The following CUEDC1 variants were observed in gnomAD, a reference collection of about 807,000 sequenced individuals.
The protein encoded by CUEDC1 is CUE domain containing 1, also known as CUE domain-containing protein 1.
A neutral mutation model predicts 43.7 loss-of-function variants in CUEDC1; 30 were observed. The ratio of observed to expected loss-of-function variants is 0.69; its 90% CI spans 0.51 to 0.93. CUEDC1 has a LOEUF of 0.93. Among genes scored for constraint, CUEDC1 ranks in the 40% least tolerant of loss-of-function variants. The pLI, the probability that CUEDC1 is intolerant of heterozygous loss-of-function variation, is 0.00. For missense variants in CUEDC1, 486 were observed against 549.0 expected (o/e 0.89, Z 1.15); for synonymous variants, 223 against 223.6 (o/e 1.00, Z 0.02).
intron 1 of CUEDC1, among the ~76,000 whole-genome samples, chr17:57,935,106 C>A (rs948374951): frequency 6.6e-6 from 1 of 152,230 alleles, no homozygotes; most frequent in Non-Finnish European, 1.5e-5. Context: ...TATTCAAGTG[C>A]CCGCAATCAG....
At chr17:57,922,876 T>C (rs1408854959) in intron 1 of CUEDC1, among the ~76,000 whole-genome samples, 1 of 141,448 alleles carries the variant, frequency 7.1e-6, no homozygotes, top group Non-Finnish European at 1.6e-5. Flanking sequence ...TTTCTCCCTC[T>C]CTCTTTTTTT....
chr17:57,926,120 T>A (rs1002474427), intron 1 of CUEDC1, among the ~76,000 whole-genome samples: 4 of 152,110 alleles, frequency 2.6e-5, no homozygotes, highest in African/African-American at 9.7e-5. Context: ...AATACTGGAA[T>A]GGAAAAAGTG....
Position 57,930,667 on chromosome 17 carries a change from C to T in CUEDC1, c.-316+24558G>A, listed in dbSNP as rs2074795134. Among the ~76,000 whole-genome samples the T allele has an allele frequency of 6.6e-6, 1 of 152,190 alleles. No individual in the cohort carries two copies. The highest frequency in any genetic ancestry group is 2.4e-5 in the African/African-American group (1 of 41,444). On this transcript the variant is annotated intron_variant, in intron 1 of 10. Coordinates refer to ENST00000577830, the MANE Select transcript of CUEDC1 (RefSeq NM_001271875.2). This position sits in a 1 kb window ranked among gnomAD's most constrained non-coding sequence, Gnocchi z 4.2. ...GAATCACTACACACGTGTGTTTGGA[C>T]AGCACTTTCTACTTCTTAAAAAGAA...
rs2073880855 is a variant in CUEDC1, at chr17:57,861,874, G to T, written c.*1415C>A. On this transcript the variant is annotated 3_prime_UTR_variant, in exon 11 of 11. Coordinates refer to ENST00000577830, the MANE Select transcript of CUEDC1 (RefSeq NM_001271875.2). The stretch of plus-strand genomic sequence containing the variant: ...CGGAGGGGGCGACCGCTCCTCGGCA[G>T]GGCCCCCCGAGCCAGCGTCCCGGCC... 1 of 151,752 alleles carries T rather than the reference G, an allele frequency of 6.6e-6. No homozygotes were observed. The highest frequency in any genetic ancestry group is 1.5e-5 in the Non-Finnish European group (1 of 67,902). The allele number at this position is 151,752 out of a possible 1,614,324, so 9.4% of individuals were successfully genotyped here.
intron 1 of CUEDC1, among the ~76,000 whole-genome samples, chr17:57,947,345 C>G (rs1489709586): frequency 6.6e-6 from 1 of 152,196 alleles, no homozygotes; most frequent in Non-Finnish European, 1.5e-5. Flanking sequence ...TTTTTAAACT[C>G]ATTGTCCAGC....
chr17:57,938,963 T>A (rs2074889108), intron 1 of CUEDC1, among the ~76,000 whole-genome samples: 4 of 1,780 alleles, frequency 2.2e-3, no homozygotes, highest in African/African-American at 2.2e-3. Flanking sequence ...GCCCAGCCTT[T>A]TTTTTTTTTT....
At chr17:57,871,245 C>T in intron 6 of CUEDC1, 41 bp downstream of exon 6, 1 of 1,472,074 alleles carries the variant, frequency 6.8e-7, no homozygotes, top group Non-Finnish European at 9.5e-7. Context: ...GTGAGCTCCC[C>T]ACTATGCCTC....
At chr17:57,925,999 C>T (rs2074743756) in intron 1 of CUEDC1, among the ~76,000 whole-genome samples, 1 of 152,194 alleles carries the variant, frequency 6.6e-6, no homozygotes, top group African/African-American at 2.4e-5. Context: ...AGGCCCCAAG[C>T]CCAGCTTACT....
chr17:57,918,677 A>G (rs1159352442), intron 1 of CUEDC1, among the ~76,000 whole-genome samples: 2 of 152,236 alleles, frequency 1.3e-5, no homozygotes, highest in Non-Finnish European at 2.9e-5. Flanking sequence ...TCTAACCACA[A>G]GATCCAGCCT....
chr17:57,942,891 G>A (rs1210656440), intron 1 of CUEDC1, among the ~76,000 whole-genome samples: 1 of 151,920 alleles, frequency 6.6e-6, no homozygotes, highest in Admixed American at 6.6e-5. Flanking sequence ...AGCCAGGCGT[G>A]GTGGCAGGTG....
chr17:57,925,952 G>A (rs528145060), intron 1 of CUEDC1, among the ~76,000 whole-genome samples: 1 of 152,300 alleles, frequency 6.6e-6, no homozygotes, highest in South Asian at 2.1e-4. Flanking sequence ...GGTCTGGCTG[G>A]GGCTGCAGGC....
intron 1 of CUEDC1, among the ~76,000 whole-genome samples, chr17:57,891,542 C>T (rs1351554575): frequency 6.6e-6 from 1 of 152,190 alleles, no homozygotes; most frequent in African/African-American, 2.4e-5. Context: ...CAATGGCTCC[C>T]ATGTCCCCAG....
chr17:57,866,315 C>T (rs955811318), intron 10 of CUEDC1, among the ~76,000 whole-genome samples, 159 bp downstream of exon 10: 2 of 152,208 alleles, frequency 1.3e-5, no homozygotes, highest in Admixed American at 1.3e-4. Flanking sequence ...TTCCCACGCC[C>T]GTGTCCCTGC....
chr17:57,868,290 C>A, intron 7 of CUEDC1, 47 bp from the exon 8 acceptor site: 1 of 1,533,698 alleles, frequency 6.5e-7, no homozygotes, highest in Non-Finnish European at 9.0e-7. Flanking sequence ...AGCCAGCACA[C>A]CAGATGGCCT....
At chr17:57,891,550 C>T (rs1168188328) in intron 1 of CUEDC1, among the ~76,000 whole-genome samples, 3 of 152,306 alleles carry the variant, frequency 2.0e-5, no homozygotes, top group Non-Finnish European at 4.4e-5. Context: ...CCCATGTCCC[C>T]AGAATACCCA....
At chr17:57,868,064 G>T in intron 8 of CUEDC1, 86 bp downstream of exon 8, 2 of 1,115,468 alleles carry the variant, frequency 1.8e-6, no homozygotes, top group Non-Finnish European at 2.7e-6. Context: ...CCAGGGGAGG[G>T]CACAGCTGCA....
In CUEDC1 at chr17:57,891,721, CT is replaced by C. The variant is rs1255654983; in HGVS notation, c.-315-5843del. Reference sequence around the variant, plus strand: ...TCCCACCCAGGGGCCTCTGAACTTACTTTTTCCACCAACTGCTACGTTCTGC... The same window carrying C: ...TCCCACCCAGGGGCCTCTGAACTTACTTTTCCACCAACTGCTACGTTCTGC... On this transcript the variant is annotated intron_variant, in intron 1 of 10. Transcript: ENST00000577830. Among the ~76,000 whole-genome samples, 8 of 152,310 alleles carry C rather than the reference CT, an allele frequency of 5.3e-5. No homozygotes were observed. The South Asian group carries it at 1.7e-3, about 32-fold the overall frequency.
chr17:57,864,879 T>C (rs1170484260), intron 10 of CUEDC1, among the ~76,000 whole-genome samples: 1 of 151,960 alleles, frequency 6.6e-6, no homozygotes, highest in African/African-American at 2.4e-5. Context: ...ATGGCAAAAA[T>C]CCATCTCTAC....
At chr17:57,951,721 AGT>A (rs1472052759) in intron 1 of CUEDC1, among the ~76,000 whole-genome samples, 9 of 152,278 alleles carry the variant, frequency 5.9e-5, no homozygotes, top group African/African-American at 2.2e-4. Flanking sequence ...AGCCTCCCAA[AGT>A]GCTGGGATTA....
Sources: allele counts gnomAD v4.1 joint callset (sites outside exome capture counted in the v4.1 genomes callset), GRCh38; gene constraint gnomAD v4.1.1; non-coding constraint Gnocchi (gnomAD v3.1); transcripts MANE v1.5; gene names NCBI Gene and HGNC (gene_info 2026-07-23, HGNC 2026-07-21).